INF2: variants seen among roughly 807,000 people sequenced by gnomAD.
INF2 encodes inverted formin 2, also known as inverted formin-2.
Under a neutral mutation model 123.5 loss-of-function variants are expected in INF2, and 43 were observed. The ratio of observed to expected loss-of-function variants is 0.35; its 90% CI spans 0.27 to 0.45. The LOEUF is 0.45. Ranked by LOEUF, INF2 falls within the 20% of genes least tolerant of loss-of-function variation. INF2 has a pLI of 1.00. For synonymous variants in INF2, 851 were observed against 745.0 expected (o/e 1.14, Z -2.32); for missense variants, 1,453 against 1,682.7 (o/e 0.86, Z 2.39).
In INF2 at chr14:104,701,419, G is replaced by A. The variant is rs777732814; in HGVS notation, c.54G>A (p.Leu18=). 5.0e-6 allele frequency: 8 copies of A among 1,595,816 alleles called. No homozygotes were observed. In the Admixed American group the frequency reaches 1.4e-4, roughly 27 times the overall value. Residue 18 remains leucine (L), a synonymous_variant, in exon 2 of 23, where the codon CTG becomes CTA. Transcript: ENST00000392634. The part of the protein sequence containing the change: ...QRKWAALKEK[L]GPQDSDPTEA... Reference sequence around the variant, plus strand: ...AGTGGGCAGCGCTGAAGGAGAAGCTGGGGCCACAGGATTCGGACCCCACGG... The same window carrying A: ...AGTGGGCAGCGCTGAAGGAGAAGCTAGGGCCACAGGATTCGGACCCCACGG...
intron 1 of INF2, among the ~76,000 whole-genome samples, chr14:104,682,069 A>G (rs1418774870): frequency 6.6e-6 from 1 of 152,208 alleles, no homozygotes; most frequent in African/African-American, 2.4e-5. Context: ...GCGGCATGGG[A>G]AAGACCCCAG....
intron 1 of INF2, among the ~76,000 whole-genome samples, chr14:104,698,792 C>T (rs1036626640): frequency 2.6e-5 from 4 of 152,150 alleles, no homozygotes; most frequent in Non-Finnish European, 4.4e-5. Flanking sequence ...AGAGCAGCTC[C>T]GGCCTCAGCC....
intron 1 of INF2, among the ~76,000 whole-genome samples, chr14:104,696,979 C>T (rs1285674099): frequency 1.3e-5 from 2 of 152,172 alleles, no homozygotes; most frequent in Non-Finnish European, 1.5e-5. Context: ...GCCTGCCCTA[C>T]CCCCGCCACT....
rs1890142756 is a variant in INF2 at position 104,713,295 on chromosome 14, A to G, written c.2864A>G (p.Glu955Gly). ...GAGGAGGCGCGGCGGCCTCGGGGAG[A>G]GGACGGGAAGCCTGGTGAGGCTGGG... ...AEEEARRPRGEDGKPVRKGPG... is the reference protein window; with the variant it reads ...AEEEARRPRGGDGKPVRKGPG... The change falls in exon 19 of 23, where the codon GAG (glutamate) becomes GGG (glycine). Residue 955 changes from glutamate (E) to glycine (G), a missense_variant. Transcript: ENST00000392634. 6.5e-7 allele frequency: 1 copy of G among 1,550,272 alleles called. No homozygotes were observed. Among genetic ancestry groups the G allele is most frequent in the African/African-American group, 1.4e-5 (1 of 73,026 alleles).
Position 104,719,069 on chromosome 14 carries a change from C to A in INF2, c.*276C>A. The stretch of plus-strand genomic sequence containing the variant: ...TTCCTAAAGGCAACCCTGGCCCACA[C>A]CCGCATGCGCCCGGTGCAGCCTGCC... On this transcript the variant is annotated 3_prime_UTR_variant, in exon 23 of 23. Transcript: ENST00000392634. The A allele has an allele frequency of 1.6e-6, 1 of 626,914 alleles. No individual in the cohort carries two copies. The highest frequency in any genetic ancestry group is 2.6e-6 in the Non-Finnish European group (1 of 389,894). 38.8% of individuals were successfully genotyped at this position (626,914 alleles called of 1,614,324 possible).
chr14:104,709,837 G>A, intron 12 of INF2, 132 bp downstream of exon 12: 1 of 812,562 alleles, frequency 1.2e-6, no homozygotes, highest in South Asian at 1.5e-5. Flanking sequence ...GAGCAGCATT[G>A]CAGCGGTTGG....
intron 13 of INF2, chr14:104,710,613 G>A (rs1452633919): frequency 1.2e-5 from 6 of 518,180 alleles, no homozygotes; most frequent in Admixed American, 6.6e-5. Context: ...TCACATACAT[G>A]TACAGACATA....
At chr14:104,701,117 G>A (rs556761581) in intron 1 of INF2, among the ~76,000 whole-genome samples, 1 of 152,150 alleles carries the variant, frequency 6.6e-6, no homozygotes, top group Non-Finnish European at 1.5e-5. Context: ...GGGTCCTCAT[G>A]CGCGCAGTAG....
At chr14:104,688,304 G>A (rs570948023), upstream of INF2, among the ~76,000 whole-genome samples, 84 of 152,254 alleles carry the variant, frequency 5.5e-4, no homozygotes, top group Non-Finnish European at 1.0e-3. Flanking sequence ...GGCAAGGTCC[G>A]CACAGGGAGC....
Position 104,707,763 on chromosome 14 carries a change from GCCCGCCCCCACC to G in INF2, c.1500_1511del (p.Pro502_Pro505del). Reference sequence around the variant, plus strand: ...CCTCCACCACTCCCGGGCTTGGGATGCCCGCCCCCACCCCCACCCCTGCTGCCTGGTATGGGC... The same window carrying G: ...CCTCCACCACTCCCGGGCTTGGGATGCCCACCCCTGCTGCCTGGTATGGGC... On this transcript the variant is annotated inframe_deletion, in exon 8 of 23. Transcript: ENST00000392634. 1 of 1,042,958 alleles carries G rather than the reference GCCCGCCCCCACC, an allele frequency of 9.6e-7. No individual in the cohort carries two copies. The allele number at this position is 1,042,958 out of a possible 1,614,324, so 64.6% of individuals were successfully genotyped here.
intron 6 of INF2, among the ~76,000 whole-genome samples, chr14:104,706,607 C>G (rs904821218): frequency 1.3e-5 from 2 of 152,182 alleles, no homozygotes; most frequent in Non-Finnish European, 2.9e-5. Flanking sequence ...CAGCTCTCAT[C>G]TGGGGGCAGT....
upstream of INF2, among the ~76,000 whole-genome samples, chr14:104,685,476 G>C (rs1888631216): frequency 2.0e-5 from 3 of 152,056 alleles, no homozygotes; most frequent in Non-Finnish European, 4.4e-5. Flanking sequence ...GTTGGAGGAA[G>C]GACCTGGCTG....
At chr14:104,717,717 G>C (rs575093539) in intron 22 of INF2, 1 of 152,324 alleles carries the variant, frequency 6.6e-6, no homozygotes, top group East Asian at 1.9e-4. Flanking sequence ...AGCTGGGTGG[G>C]GACGTTTGTG....
At chr14:104,713,843 A>G (rs1890168156) in intron 20 of INF2, among the ~76,000 whole-genome samples, 1 of 152,220 alleles carries the variant, frequency 6.6e-6, no homozygotes, top group Non-Finnish European at 1.5e-5. Flanking sequence ...GTGCTGAAGC[A>G]GCAGTCCAGC....
At position 104,714,494 on chromosome 14, in the gene INF2, T is replaced by C. The variant is rs1328952482; in HGVS notation, c.3332T>C (p.Leu1111Pro). ...WPVTLGDAQALKPLKFSSNQP... is the reference protein window; with the variant it reads ...WPVTLGDAQAPKPLKFSSNQP... Reference sequence around the variant, plus strand: ...GTGACTCTGGGAGATGCTCAGGCCCTGAAGCCCCTCAAGTTCTCCAGCAAC... The same window carrying C: ...GTGACTCTGGGAGATGCTCAGGCCCCGAAGCCCCTCAAGTTCTCCAGCAAC... The change falls in exon 21 of 23, where the codon CTG becomes CCG. Residue 1111 changes from leucine to proline, a missense_variant. By Grantham distance (98) the Leu-to-Pro change is moderately conservative. Coordinates refer to ENST00000392634, the MANE Select transcript of INF2 (RefSeq NM_022489.4). 4 of 1,612,716 alleles carry C rather than the reference T, an allele frequency of 2.5e-6. No homozygotes were observed. Among genetic ancestry groups the C allele is most frequent in the South Asian group, 1.1e-5 (1 of 91,078 alleles).
exon 1 of INF2, chr14:104,681,395 T>G (rs1387412424): frequency 2.1e-6 from 1 of 467,142 alleles, no homozygotes; most frequent in South Asian, 1.5e-5. Flanking sequence ...CTTGGGGACC[T>G]TGGACACGGA....
At chr14:104,704,206 C>T in intron 5 of INF2, 1 of 1,410,960 alleles carries the variant, frequency 7.1e-7, no homozygotes, top group Non-Finnish European at 9.3e-7. Flanking sequence ...ATATCCTTTG[C>T]ACACCGTGGA....
In INF2 at chr14:104,713,521, G is replaced by C; in HGVS notation, c.2955G>C (p.Gln985His). 6.2e-7 allele frequency: 1 copy of C among 1,611,704 alleles called. No homozygotes were observed. The highest frequency in any genetic ancestry group is 1.1e-5 in the South Asian group (1 of 90,778). Residue 985 changes from glutamine (Q) to histidine (H), a missense_variant, in exon 20 of 23, where the codon CAG (glutamine) becomes CAC (histidine). By Grantham distance (24) the Gln-to-His change is conservative. Around this residue, in one of 8 missense-constraint regions of INF2, gnomAD observed 212 missense variants for 266.2 expected, o/e 0.80. Coordinates refer to ENST00000392634, the MANE Select transcript of INF2 (RefSeq NM_022489.4). ...ALLADIRKGF[Q>H]LRKTARGRGD... ...TGGCTGACATCAGGAAGGGCTTCCA[G>C]CTGCGGAAGACAGCCCGGGGCCGCG... is the stretch of plus-strand genomic sequence containing the variant.
At chr14:104,681,923 A>C (rs1418788298) in intron 1 of INF2, among the ~76,000 whole-genome samples, 1 of 151,530 alleles carries the variant, frequency 6.6e-6, no homozygotes, top group African/African-American at 2.4e-5. Context: ...TTCCAGGCTG[A>C]GGCGCTGTGG....
Sources: gnomAD v4.1 joint callset for allele counts (sites outside exome capture counted in the v4.1 genomes callset) on GRCh38, gnomAD v4.1.1 for gene constraint, gnomAD v4.1.1 regional missense constraint, MANE v1.5 for transcripts, NCBI Gene and HGNC (gene_info 2026-07-23, HGNC 2026-07-21) for gene names.